ULK4: variants seen among roughly 807,000 people sequenced by gnomAD.
ULK4 encodes inactive serine/threonine-protein kinase ULK4.
Under a neutral mutation model 160.6 loss-of-function variants are expected in ULK4, and 133 were observed. That is an observed-to-expected ratio of 0.83 (90% CI 0.72 to 0.96). The LOEUF is 0.96. ULK4 is among the 40% of genes least tolerant of loss of function. The pLI is 0.00. For missense variants in ULK4, 1,580 were observed against 1,499.5 expected, an observed-to-expected ratio of 1.05 and a Z score of -0.89; for synonymous variants, 534 against 539.8, an observed-to-expected ratio of 0.99 and a Z score of 0.15.
chr3:41,935,792 A>C lies in ULK4; in HGVS notation c.378+9T>G, dbSNP rs1699758500. On this transcript the variant is annotated intron_variant, in intron 4 of 36. Transcript: ENST00000301831. Reference sequence around the variant, plus strand: ...AGCAGTTAGAAAATCAAAAACTTTCATGAATTACCTTCCTAGGAGAAATGT... The same window carrying C: ...AGCAGTTAGAAAATCAAAAACTTTCCTGAATTACCTTCCTAGGAGAAATGT... 1.3e-6 allele frequency: 2 copies of C among 1,595,430 alleles called. No individual in the cohort carries two copies. Among genetic ancestry groups the C allele is most frequent in the Middle Eastern group, 1.7e-4 (1 of 5,978 alleles).
chr3:41,719,914 C>T (rs2125848538), intron 22 of ULK4, among the ~76,000 whole-genome samples: 1 of 152,292 alleles, frequency 6.6e-6, no homozygotes, highest in South Asian at 2.1e-4. Flanking sequence ...TCTCTCCCTC[C>T]TGTCACACTG....
At chr3:41,575,839 A>G (rs768689093) in intron 31 of ULK4, among the ~76,000 whole-genome samples, 1 of 141,234 alleles carries the variant, frequency 7.1e-6, no homozygotes, top group African/African-American at 2.7e-5. Flanking sequence ...CTGCCCTTTC[A>G]TGTTATTTAG....
chr3:41,429,170 T>G (rs565920270), intron 34 of ULK4, among the ~76,000 whole-genome samples: 7 of 152,218 alleles, frequency 4.6e-5, no homozygotes, highest in African/African-American at 1.7e-4. Flanking sequence ...CACTGATCAT[T>G]AGAGAAATGG....
intron 5 of ULK4, among the ~76,000 whole-genome samples, chr3:41,931,576 T>A (rs1178352605): frequency 1.3e-5 from 2 of 152,092 alleles, no homozygotes; most frequent in African/African-American, 4.8e-5. Context: ...TCCCTTCCTA[T>A]GTGCTAATGA....
chr3:41,612,143 T>C (rs2032713166), intron 31 of ULK4, among the ~76,000 whole-genome samples: 1 of 152,236 alleles, frequency 6.6e-6, no homozygotes, highest in Admixed American at 6.5e-5. Context: ...CAGAAGGATG[T>C]GCAAAGGACT....
chr3:41,571,659 T>A (rs2087978297), intron 31 of ULK4, among the ~76,000 whole-genome samples: 1 of 151,052 alleles, frequency 6.6e-6, no homozygotes, highest in African/African-American at 2.4e-5. Flanking sequence ...CAGGTCAGAG[T>A]TGGAGGGGAG....
chr3:41,540,460 T>G (rs11129914), intron 32 of ULK4, among the ~76,000 whole-genome samples: 3 of 152,032 alleles, frequency 2.0e-5, no homozygotes, highest in African/African-American at 7.3e-5. Context: ...GGGTTGATTC[T>G]AAGTCTTTGC....
chr3:41,390,661 A>G (rs554619704), intron 35 of ULK4, among the ~76,000 whole-genome samples: 6 of 151,886 alleles, frequency 4.0e-5, no homozygotes, highest in African/African-American at 1.5e-4. Flanking sequence ...TTCAGTTTCC[A>G]TGTAGTTGAG....
rs192380042 is a variant in ULK4 at position 41,387,239 on chromosome 3, T to C, written c.3678+10840A>G. On this transcript the variant is annotated intron_variant, in intron 35 of 36. Coordinates refer to ENST00000301831, the MANE Select transcript of ULK4 (RefSeq NM_017886.4). ...TATCATTTCTTTGTGTTGAAAATGT[T>C]CAATATCTTTCTCTAGCTCTAGCTA... is the stretch of plus-strand genomic sequence containing the variant. Among the ~76,000 whole-genome samples, 586 of 152,296 alleles carry C rather than the reference T, an allele frequency of 3.8e-3. 3 individuals carry two copies. Among genetic ancestry groups the C allele is most frequent in the Admixed American group, 7.2e-3 (110 of 15,260 alleles).
intron 35 of ULK4, among the ~76,000 whole-genome samples, chr3:41,261,958 T>A (rs2078953573): frequency 6.6e-6 from 1 of 152,228 alleles, no homozygotes; most frequent in South Asian, 2.1e-4. Context: ...CATGTTCTCT[T>A]CACAGTGACC....
intron 35 of ULK4, among the ~76,000 whole-genome samples, chr3:41,250,286 C>G (rs1379739825): frequency 3.3e-5 from 5 of 152,138 alleles, no homozygotes; most frequent in Admixed American, 2.6e-4. Flanking sequence ...GGCTTTGATT[C>G]TACTATTAGA....
intron 17 of ULK4, among the ~76,000 whole-genome samples, chr3:41,861,869 T>C (rs2042504870): frequency 6.6e-6 from 1 of 152,168 alleles, no homozygotes; most frequent in East Asian, 1.9e-4. Flanking sequence ...TCACCCAGGC[T>C]GGAGTGCAGT....
At chr3:41,640,491 C>T (rs566242037) in intron 30 of ULK4, among the ~76,000 whole-genome samples, 18 of 152,266 alleles carry the variant, frequency 1.2e-4, no homozygotes, top group African/African-American at 3.8e-4. Flanking sequence ...TCCCAGGAAG[C>T]CTAAGGCTCT....
At chr3:41,640,821 C>A (rs1240794592) in intron 30 of ULK4, among the ~76,000 whole-genome samples, 1 of 152,024 alleles carries the variant, frequency 6.6e-6, no homozygotes, top group Non-Finnish European at 1.5e-5. Flanking sequence ...TGAATTGTTT[C>A]TTTTCAATGG....
chr3:41,740,621 A>G (rs1006601649), intron 22 of ULK4, among the ~76,000 whole-genome samples: 1 of 151,964 alleles, frequency 6.6e-6, no homozygotes, highest in African/African-American at 2.4e-5. Flanking sequence ...AATGTGCTGA[A>G]ATGTAAAATG....
At chr3:41,605,075 T>C (rs1468303668) in intron 31 of ULK4, among the ~76,000 whole-genome samples, 1 of 151,942 alleles carries the variant, frequency 6.6e-6, no homozygotes, top group East Asian at 1.9e-4. Context: ...GAGGTGACTA[T>C]TACATCAACA....
At chr3:41,532,846 T>G (rs1003854121) in intron 32 of ULK4, among the ~76,000 whole-genome samples, 4 of 152,166 alleles carry the variant, frequency 2.6e-5, no homozygotes, top group Admixed American at 6.5e-5. Context: ...GATTCCAAAC[T>G]TCTAGGTAAC....
At chr3:41,353,807 T>A (rs945831389) in intron 35 of ULK4, among the ~76,000 whole-genome samples, 4 of 151,892 alleles carry the variant, frequency 2.6e-5, no homozygotes, top group African/African-American at 9.7e-5. Context: ...TTCTATAGGG[T>A]ACACCTACTA....
chr3:41,495,294 C>T (rs183056008), intron 32 of ULK4, among the ~76,000 whole-genome samples: 2 of 152,180 alleles, frequency 1.3e-5, no homozygotes, highest in Admixed American at 1.3e-4. Context: ...ACTGTATGAT[C>T]TCTGACAAAC....
Sources: gnomAD v4.1 joint callset for allele counts (sites outside exome capture counted in the v4.1 genomes callset) on GRCh38, gnomAD v4.1.1 for gene constraint, MANE v1.5 for transcripts, NCBI Gene and HGNC (gene_info 2026-07-23, HGNC 2026-07-21) for gene names.